Variants in IQANK1 observed in about 807,000 individuals in gnomAD.
IQANK1 encodes IQ motif and ankyrin repeat domain-containing protein 1.
In IQANK1, 30 loss-of-function variants were observed where a neutral mutation model predicts 22.6. The observed-to-expected ratio is 1.33, with a 90% CI of 0.99 to 1.80. The LOEUF is 1.80. Ranked by LOEUF, IQANK1 falls within the 40% of genes most tolerant of loss-of-function variation. The pLI, the probability that IQANK1 is intolerant of heterozygous loss-of-function variation, is 0.00. For synonymous variants in IQANK1, 122 were observed against 99.6 expected (o/e 1.23, Z -1.34); for missense variants, 275 against 235.2 (o/e 1.17, Z -1.11).
At chr8:143,736,210 C>T (rs1175719781) in intron 2 of IQANK1, among the ~76,000 whole-genome samples, 1 of 151,160 alleles carries the variant, frequency 6.6e-6, no homozygotes, top group Non-Finnish European at 1.5e-5. Context: ...CGCAATCCCT[C>T]CTCACTGCAA....
At chr8:143,770,227 G>A (rs1433025302) in intron 3 of IQANK1, among the ~76,000 whole-genome samples, 3 of 152,214 alleles carry the variant, frequency 2.0e-5, no homozygotes, top group African/African-American at 7.2e-5. Flanking sequence ...GATGCCTGTT[G>A]TTCATGCCCT....
At position 143,789,180 on chromosome 8, in the gene IQANK1, G is replaced by C. The variant is rs1554631816; in HGVS notation, c.939-9G>C. ...GAAGCCTCTGTCCCAGCTCATTCCT[G>C]CTCCTTAGTATGACCCTCAAGGTCC... is the stretch of plus-strand genomic sequence containing the variant. On this transcript the variant is annotated splice_polypyrimidine_tract_variant and intron_variant, in intron 8 of 13. Coordinates refer to ENST00000527139, the MANE Select transcript of IQANK1 (RefSeq NM_001381874.1). 4.8e-5 allele frequency: 19 copies of C among 399,762 alleles called. No homozygotes were observed. The highest frequency in any genetic ancestry group is 8.8e-6 in the Non-Finnish European group (2 of 226,668). The allele number at this position is 399,762 out of a possible 1,614,324, so 24.8% of individuals were successfully genotyped here.
intron 3 of IQANK1, chr8:143,744,186 G>T: frequency 6.0e-6 from 1 of 166,758 alleles, no homozygotes; most frequent in Non-Finnish European, 1.3e-5. Flanking sequence ...CGGGTAATCT[G>T]GGATGTTCTT....
At chr8:143,747,583 G>A (rs150602142) in intron 3 of IQANK1, among the ~76,000 whole-genome samples, 24 of 151,942 alleles carry the variant, frequency 1.6e-4, no homozygotes, top group African/African-American at 5.3e-4. Context: ...TTGTTCCTAA[G>A]TATTTCCTAA....
rs1819560532 is a variant in IQANK1 at position 143,771,046 on chromosome 8, C to CA, written c.176-442_176-441insA. Among the ~76,000 whole-genome samples, 1 of 152,244 alleles carries CA rather than the reference C, an allele frequency of 6.6e-6. No individual in the cohort carries two copies. The highest frequency in any genetic ancestry group is 2.4e-5 in the African/African-American group (1 of 41,476). On this transcript the variant is annotated intron_variant, in intron 3 of 13. Coordinates refer to ENST00000527139, the MANE Select transcript of IQANK1 (RefSeq NM_001381874.1). The surrounding 1 kb of genome is among the most constrained non-coding windows in gnomAD (Gnocchi z 6.0). ...TCTGGGGCCCTGGGCTCCGCGCCCT[C>CA]TTCTGAGTCCAGCGGGGCTGTGATG... is the stretch of plus-strand genomic sequence containing the variant.
chr8:143,749,279 A>G (rs1418830994), intron 3 of IQANK1, among the ~76,000 whole-genome samples: 2 of 123,268 alleles, frequency 1.6e-5, no homozygotes, highest in African/African-American at 3.3e-5. Context: ...ATATATAAAT[A>G]TATATAAAAA....
intron 6 of IQANK1, 56 bp from the exon 7 acceptor site, chr8:143,772,301 G>A (rs1819594335): frequency 2.5e-6 from 1 of 398,438 alleles, no homozygotes; most frequent in Admixed American, 4.4e-5. Flanking sequence ...GGCCCTCAGG[G>A]GCCTCCTTCC....
chr8:143,776,185 G>C (rs1311444109), intron 7 of IQANK1, among the ~76,000 whole-genome samples: 2 of 151,830 alleles, frequency 1.3e-5, no homozygotes, highest in African/African-American at 4.9e-5. Context: ...GCCGGGCGTG[G>C]TGGCGGGCGC....
At chr8:143,755,147 C>T (rs901591698) in intron 3 of IQANK1, among the ~76,000 whole-genome samples, 3 of 152,286 alleles carry the variant, frequency 2.0e-5, no homozygotes, top group South Asian at 2.1e-4. Context: ...TATACTGCAT[C>T]CCATAAGATA....
chr8:143,769,214 T>A (rs1819530133), intron 3 of IQANK1, among the ~76,000 whole-genome samples: 1 of 152,020 alleles, frequency 6.6e-6, no homozygotes, highest in Non-Finnish European at 1.5e-5. Flanking sequence ...TGCACGCCAC[T>A]GCACCCAGCT....
intron 7 of IQANK1, among the ~76,000 whole-genome samples, chr8:143,775,313 T>G (rs1819660754): frequency 6.8e-6 from 1 of 147,680 alleles, no homozygotes; most frequent in South Asian, 2.1e-4. Flanking sequence ...AAATAAAAAT[T>G]TAGTTAAATT....
At chr8:143,786,172 G>T (rs572131435) in intron 7 of IQANK1, among the ~76,000 whole-genome samples, 1 of 152,286 alleles carries the variant, frequency 6.6e-6, no homozygotes, top group South Asian at 2.1e-4. Flanking sequence ...CATGTCATAC[G>T]TTTTACTGGT....
rs572135107 is a variant in IQANK1, at chr8:143,790,347, C to T, written c.1425-3C>T. On this transcript the variant is annotated splice_polypyrimidine_tract_variant and splice_region_variant and intron_variant, in intron 13 of 13. Coordinates refer to ENST00000527139, the MANE Select transcript of IQANK1 (RefSeq NM_001381874.1). Reference sequence around the variant, plus strand: ...CCCTGGCCTCACCAGCCTCATGGGGCAGGTATGGGAAGCCGCTGGTGTTCG... The same window carrying T: ...CCCTGGCCTCACCAGCCTCATGGGGTAGGTATGGGAAGCCGCTGGTGTTCG... 3 of 1,195,356 alleles carry T rather than the reference C, an allele frequency of 2.5e-6. No homozygotes were observed. The highest frequency in any genetic ancestry group is 1.0e-6 in the Non-Finnish European group (1 of 954,746). The allele number at this position is 1,195,356 out of a possible 1,614,324, so 74.0% of individuals were successfully genotyped here.
chr8:143,740,188 C>T (rs907073065), intron 3 of IQANK1, among the ~76,000 whole-genome samples: 7 of 152,134 alleles, frequency 4.6e-5, no homozygotes, highest in Admixed American at 6.5e-5. Context: ...GGTGCTCCAC[C>T]TCCCCGCCGC....
At chr8:143,783,479 A>G (rs893545439) in intron 7 of IQANK1, among the ~76,000 whole-genome samples, 12 of 152,282 alleles carry the variant, frequency 7.9e-5, no homozygotes, top group African/African-American at 2.9e-4. Flanking sequence ...TATATATTCT[A>G]GATCAAACTC....
rs370428606 is a variant in IQANK1, at chr8:143,751,664, G to GTGTGTA, written c.175+11717_175+11718insGTGTAT. Among the ~76,000 whole-genome samples the GTGTGTA allele has an allele frequency of 1.6e-3, 96 of 61,550 alleles. 1 individual carries two copies. The highest frequency in any genetic ancestry group is 3.0e-3 in the East Asian group (8 of 2,652). 40.4% of individuals were successfully genotyped at this position (61,550 alleles called of 152,430 possible). On this transcript the variant is annotated intron_variant, in intron 3 of 13. Coordinates refer to ENST00000527139, the MANE Select transcript of IQANK1 (RefSeq NM_001381874.1). ...TGTGTGTGTGTGTGTGTGTGTGTGTGTATATATATATATAAAATCCTATAC... is the reference window on the plus strand; with the variant it reads ...TGTGTGTGTGTGTGTGTGTGTGTGTGTGTGTATATATATATATATAAAATCCTATAC...
At chr8:143,743,041 G>A (rs1554626824) in intron 3 of IQANK1, 1 of 455,998 alleles carries the variant, frequency 2.2e-6, no homozygotes, top group Non-Finnish European at 4.4e-6. Flanking sequence ...AGATGGGGGG[G>A]CCCTGTGCCT....
intron 3 of IQANK1, among the ~76,000 whole-genome samples, chr8:143,753,906 C>T (rs1463493852): frequency 6.6e-6 from 1 of 152,102 alleles, no homozygotes; most frequent in Admixed American, 6.6e-5. Flanking sequence ...TCCTCCTTCC[C>T]CAGGGTTTGC....
Position 143,786,198 on chromosome 8 carries a change from C to T in IQANK1, c.790-2717C>T, listed in dbSNP as rs1819885835. 1.3e-5 allele frequency among the ~76,000 whole-genome samples: 2 copies of T among 152,166 alleles called. 1 individual carries two copies. Among genetic ancestry groups the T allele is most frequent in the South Asian group, 4.1e-4 (2 of 4,824 alleles). On this transcript the variant is annotated intron_variant, in intron 7 of 13. Transcript: ENST00000527139. ...TTTTACTGGTAGGAATCATTTGAAG[C>T]CTAGAAAGGTATTTTTCACTCTTTT...
Sources: gnomAD v4.1 joint callset for allele counts (sites outside exome capture counted in the v4.1 genomes callset) on GRCh38, gnomAD v4.1.1 for gene constraint, Gnocchi (gnomAD v3.1) non-coding constraint, MANE v1.5 for transcripts, NCBI Gene and HGNC (gene_info 2026-07-23, HGNC 2026-07-21) for gene names.